Variants in SLC26A9 observed in about 807,000 individuals in gnomAD.
SLC26A9 encodes anion transporter/exchanger protein 9.
SLC26A9 carries 46 observed loss-of-function variants against 87.1 expected under a neutral mutation model. The observed-to-expected ratio is 0.53, with a 90% CI of 0.42 to 0.67. The LOEUF (loss-of-function observed/expected upper bound fraction) is 0.67, where lower values mean the gene tolerates loss of function less well. Among genes scored for constraint, SLC26A9 ranks in the 30% least tolerant of loss-of-function variants. The pLI is 0.00. For synonymous variants in SLC26A9, 437 were observed against 409.1 expected (o/e 1.07, Z -0.82); for missense variants, 927 against 1,018.3 (o/e 0.91, Z 1.22).
intron 5 of SLC26A9, among the ~76,000 whole-genome samples, chr1:205,931,465 GTTT>G (rs34820138): frequency 0.46 from 44,597 of 96,680 alleles, 10,054 homozygotes; most frequent in Middle Eastern, 0.65. Context: ...CCCTAACTTG[GTTT>G]TTTTTTTTTT....
In SLC26A9 at chr1:205,926,550, C is replaced by T; in HGVS notation, c.1374G>A (p.Lys458=). The T allele has an allele frequency of 6.2e-7, 1 of 1,614,176 alleles. No homozygotes were observed. Among genetic ancestry groups the T allele is most frequent in the Non-Finnish European group, 8.5e-7 (1 of 1,180,012 alleles). ...QLTDPYYLWR[K]SKLDCCIWVV... ...CGATACTTACACAGTCCAGCTTGCT[C>T]TTCCTCCACAGGTAGTAGGGGTCGG... Residue 458 remains lysine, a synonymous_variant, in exon 12 of 21, where the codon AAG becomes AAA. Transcript: ENST00000367135.
At chr1:205,940,098 A>G (rs1400470382) in intron 1 of SLC26A9, among the ~76,000 whole-genome samples, 1 of 152,114 alleles carries the variant, frequency 6.6e-6, no homozygotes, top group East Asian at 1.9e-4. Context: ...TAAGGGGAGT[A>G]GGGGGTGAGC....
chr1:205,915,374 T>A lies in SLC26A9; in HGVS notation c.2359A>T (p.Thr787Ser). Residue 787 changes from threonine to serine, a missense_variant, in exon 21 of 21, where the codon ACC becomes TCC. Physicochemically the swap from Thr to Ser is moderately conservative, Grantham distance 58 (BLOSUM62 1). Coordinates refer to ENST00000367135, the MANE Select transcript of SLC26A9 (RefSeq NM_052934.4). ...CTGAGCCCTCACAGGGCGGTCAGGG[T>A]CTCTGCGTGAAACATGCTCCCGAAC... Reference protein sequence around the residue: ...EMFGSMFHAETLTAL With the variant: ...EMFGSMFHAESLTAL 1.9e-6 allele frequency: 3 copies of A among 1,613,914 alleles called. No homozygotes were observed. Among genetic ancestry groups the A allele is most frequent in the Non-Finnish European group, 2.5e-6 (3 of 1,179,992 alleles).
intron 5 of SLC26A9, among the ~76,000 whole-genome samples, chr1:205,931,108 ATGT>A (rs1415862097): frequency 6.6e-6 from 1 of 152,210 alleles, no homozygotes; most frequent in African/African-American, 2.4e-5. Flanking sequence ...GCATTCTGTC[ATGT>A]TGTGCTTCCC....
chr1:205,930,437 T>TA (rs1354774310), intron 5 of SLC26A9: 5 of 164,440 alleles, frequency 3.0e-5, no homozygotes, highest in African/African-American at 9.5e-5. Context: ...AAGCTCCTGG[T>TA]AAAACATTCT....
At chr1:205,930,303 G>T in intron 5 of SLC26A9, 1 of 346,990 alleles carries the variant, frequency 2.9e-6, no homozygotes, top group African/African-American at 2.1e-5. Flanking sequence ...TGGCTTATCT[G>T]TAAAATAAGT....
rs1659803259 is a variant in SLC26A9 at position 205,942,738 on chromosome 1, AC to A, written c.-19+626del. Among the ~76,000 whole-genome samples, 7 of 152,018 alleles carry A rather than the reference AC, an allele frequency of 4.6e-5. 1 individual carries two copies. In the South Asian group the frequency reaches 1.5e-3, roughly 31 times the overall value. ...GGCGTCCCAGGTCCAGCTACCGCCC[AC>A]CCGCCTGCCTGATGGAGCTGGTCCC... On this transcript the variant is annotated intron_variant, in intron 1 of 20. Transcript: ENST00000367135.
Position 205,914,657 on chromosome 1 carries a change from G to A in SLC26A9, c.*700C>T, listed in dbSNP as rs1658498906. The A allele has an allele frequency of 2.0e-6, 1 of 501,094 alleles. No homozygotes were observed. Among genetic ancestry groups the A allele is most frequent in the Admixed American group, 3.7e-5 (1 of 27,368 alleles). The allele number at this position is 501,094 out of a possible 1,614,324, so 31.0% of individuals were successfully genotyped here. On this transcript the variant is annotated 3_prime_UTR_variant, in exon 21 of 21. Transcript: ENST00000367135. ...GCAGAACCTTAGTGGGCTGTCCCCGGGGAGGTAGCTCTGGTGGTCTCGACG... is the reference window on the plus strand; with the variant it reads ...GCAGAACCTTAGTGGGCTGTCCCCGAGGAGGTAGCTCTGGTGGTCTCGACG...
intron 13 of SLC26A9, among the ~76,000 whole-genome samples, chr1:205,923,905 C>A (rs971140989): frequency 6.6e-6 from 1 of 152,152 alleles, no homozygotes; most frequent in Admixed American, 6.5e-5. Flanking sequence ...TTTCCTTGTT[C>A]TGAGTTCTCA....
chr1:205,917,163 G>T, intron 20 of SLC26A9, 120 bp downstream of exon 20: 1 of 787,798 alleles, frequency 1.3e-6, no homozygotes, highest in Non-Finnish European at 2.0e-6. Context: ...TTGTGGCCTT[G>T]AATGTGACTG....
intron 1 of SLC26A9, among the ~76,000 whole-genome samples, chr1:205,939,659 C>T (rs1283782015): frequency 1.3e-5 from 2 of 151,664 alleles, no homozygotes; most frequent in African/African-American, 4.8e-5. Flanking sequence ...GGGTGGGTGG[C>T]ATGGTGGGGA....
In SLC26A9 at chr1:205,930,031, C is replaced by G; in HGVS notation, c.578G>C (p.Gly193Ala). ...IQMGLGFMQF[G>A]FVAIYLSESF... ...CTCGGAGAGGTAGATGGCCACAAAG[C>G]CAAACTGCATGAAGCCCAGACCCAT... Residue 193 changes from glycine (G) to alanine (A), a missense_variant, in exon 6 of 21, where the codon GGC (glycine) becomes GCC (alanine). Transcript: ENST00000367135. 1 of 1,612,076 alleles carries G rather than the reference C, an allele frequency of 6.2e-7. No individual in the cohort carries two copies. Among genetic ancestry groups the G allele is most frequent in the Non-Finnish European group, 8.5e-7 (1 of 1,178,332 alleles).
intron 5 of SLC26A9, 83 bp downstream of exon 5, chr1:205,931,777 G>T (rs894244304): frequency 7.6e-5 from 115 of 1,512,270 alleles, no homozygotes; most frequent in Admixed American, 6.4e-4. Context: ...CCCTAAATCA[G>T]ATTTAGCATC....
intron 9 of SLC26A9, 135 bp downstream of exon 9, chr1:205,927,767 T>C: frequency 6.8e-7 from 1 of 1,471,618 alleles, no homozygotes; most frequent in Non-Finnish European, 9.2e-7. Flanking sequence ...CCTCTTAGGG[T>C]CAGAGGACCC....
At chr1:205,917,894 T>C (rs1475739241) in intron 19 of SLC26A9, among the ~76,000 whole-genome samples, 4 of 152,204 alleles carry the variant, frequency 2.6e-5, no homozygotes, top group African/African-American at 9.6e-5. Context: ...TAACAACTAA[T>C]GCAGCTTCCT....
chr1:205,931,217 A>C (rs12039205), intron 5 of SLC26A9, among the ~76,000 whole-genome samples: 23,045 of 152,174 alleles, frequency 0.15, 2,557 homozygotes, highest in East Asian at 0.67. Context: ...GAGGCTGGAG[A>C]GGAGTGAGGG....
intron 7 of SLC26A9, 65 bp from the exon 8 acceptor site, chr1:205,928,974 C>A (rs1455004855): frequency 4.4e-6 from 7 of 1,583,412 alleles, no homozygotes; most frequent in Non-Finnish European, 5.2e-6. Flanking sequence ...GCGTCTCTCT[C>A]AAGTCTCCCT....
At chr1:205,937,339 C>A (rs551870425) in intron 1 of SLC26A9, among the ~76,000 whole-genome samples, 2 of 151,932 alleles carry the variant, frequency 1.3e-5, no homozygotes, top group Non-Finnish European at 1.5e-5. Flanking sequence ...ACTTGTTGAG[C>A]GAATTGATAA....
At chr1:205,938,237 T>G (rs1659599076) in intron 1 of SLC26A9, among the ~76,000 whole-genome samples, 1 of 151,638 alleles carries the variant, frequency 6.6e-6, no homozygotes, top group Non-Finnish European at 1.5e-5. Flanking sequence ...TCAAATCCTA[T>G]TGCTATTTCC....
Sources: allele counts gnomAD v4.1 joint callset (sites outside exome capture counted in the v4.1 genomes callset), GRCh38; gene constraint gnomAD v4.1.1; transcripts MANE v1.5; gene names NCBI Gene and HGNC (gene_info 2026-07-23, HGNC 2026-07-21).